The following BCKDHB variants were observed in gnomAD, a reference collection of about 807,000 sequenced individuals.
BCKDHB encodes the protein branched chain keto acid dehydrogenase E1 subunit beta.
Under a neutral mutation model 48.5 loss-of-function variants are expected in BCKDHB, and 41 were observed. That is an observed-to-expected ratio of 0.85 (90% CI 0.66 to 1.10). The LOEUF (loss-of-function observed/expected upper bound fraction) is 1.10, where lower values mean the gene tolerates loss of function less well. BCKDHB is among the 50% of genes least tolerant of loss of function. BCKDHB has a pLI of 0.00. For missense variants in BCKDHB, 496 were observed against 494.2 expected (o/e 1.00, Z -0.03); for synonymous variants, 201 against 174.8 (o/e 1.15, Z -1.18).
At chr6:80,120,801 A>G (rs1342391913) in intron 1 of BCKDHB, among the ~76,000 whole-genome samples, 5 of 152,102 alleles carry the variant, frequency 3.3e-5, no homozygotes, top group South Asian at 2.1e-4. Context: ...ATTTTCTCCC[A>G]TTCTGTAGGT....
the BCKDHB span, among the ~76,000 whole-genome samples, chr6:80,436,016 G>T: frequency 2.0e-5 from 3 of 152,040 alleles, no homozygotes; most frequent in Non-Finnish European, 2.9e-5. Flanking sequence ...CCCAGCGCTT[G>T]ATGTTAAATG....
downstream of BCKDHB, among the ~76,000 whole-genome samples, chr6:80,346,933 AC>A (rs56761145): frequency 0.2 from 30,809 of 151,250 alleles, 3,595 homozygotes; most frequent in South Asian, 0.36. Flanking sequence ...AAAGGTCTCT[AC>A]CCCCATAAAG....
chr6:80,434,939 T>C, the BCKDHB span, among the ~76,000 whole-genome samples: 8 of 152,184 alleles, frequency 5.3e-5, no homozygotes, highest in African/African-American at 1.9e-4. Context: ...CCATAGATCT[T>C]TGGAGTTTTT....
intron 9 of BCKDHB, among the ~76,000 whole-genome samples, chr6:80,304,814 C>A (rs1018291318): frequency 3.3e-4 from 50 of 152,120 alleles, no homozygotes; most frequent in African/African-American, 1.2e-3. Flanking sequence ...AAAAAGAAAA[C>A]TATACCATTT....
At chr6:80,296,236 T>C (rs78588508) in intron 9 of BCKDHB, among the ~76,000 whole-genome samples, 2,398 of 152,306 alleles carry the variant, frequency 0.016, 27 homozygotes, top group Non-Finnish European at 0.023. Context: ...TAGCTGATTA[T>C]AAACCACCTT....
the BCKDHB span, among the ~76,000 whole-genome samples, chr6:80,422,889 C>T: frequency 6.6e-6 from 1 of 152,136 alleles, no homozygotes; most frequent in Non-Finnish European, 1.5e-5. Flanking sequence ...AGACTTTGGA[C>T]TTCAACATTT....
chr6:80,240,040 G>T (rs1776314814), intron 8 of BCKDHB, among the ~76,000 whole-genome samples: 1 of 152,166 alleles, frequency 6.6e-6, no homozygotes. Flanking sequence ...GTAGCATGAT[G>T]CCTCCAGCTT....
chr6:80,261,135 C>G (rs767700205), intron 8 of BCKDHB, among the ~76,000 whole-genome samples: 1 of 152,170 alleles, frequency 6.6e-6, no homozygotes, highest in African/African-American at 2.4e-5. Flanking sequence ...TAAATGAAAG[C>G]TCTTTGCAGT....
chr6:80,365,962 A>T, the BCKDHB span, among the ~76,000 whole-genome samples: 1 of 152,224 alleles, frequency 6.6e-6, no homozygotes, highest in Admixed American at 6.5e-5. Flanking sequence ...AAAGCAAATG[A>T]TCTCAGTACA....
At chr6:80,193,439 C>A (rs758665496) in intron 6 of BCKDHB, among the ~76,000 whole-genome samples, 25 of 152,038 alleles carry the variant, frequency 1.6e-4, no homozygotes, top group Non-Finnish European at 3.5e-4. Context: ...AGTCTCCTGG[C>A]CAGGCGTGAT....
At chr6:80,205,837 G>GTGTGTGT (rs1368120428) in intron 8 of BCKDHB, among the ~76,000 whole-genome samples, 129 of 91,916 alleles carry the variant, frequency 1.4e-3, no homozygotes, top group African/African-American at 5.4e-3. Flanking sequence ...TGTGTGTGTA[G>GTGTGTGT]GTGGATTGGC....
At chr6:80,437,246 A>C in the BCKDHB span, among the ~76,000 whole-genome samples, 2 of 152,244 alleles carry the variant, frequency 1.3e-5, no homozygotes, top group East Asian at 3.8e-4. Flanking sequence ...CATGGTTAAA[A>C]CAATAGTTTA....
chr6:80,206,073 G>A (rs1250501827), intron 8 of BCKDHB, among the ~76,000 whole-genome samples: 2 of 152,052 alleles, frequency 1.3e-5, no homozygotes, highest in Non-Finnish European at 2.9e-5. Context: ...TTCTAAAGGT[G>A]TGAATGGTGA....
chr6:80,243,552 A>T (rs1440090464), intron 8 of BCKDHB, among the ~76,000 whole-genome samples: 2 of 152,126 alleles, frequency 1.3e-5, no homozygotes, highest in African/African-American at 4.8e-5. Flanking sequence ...ATATTTTTTG[A>T]GTGAGGGTAT....
chr6:80,189,484 T>G (rs567873050), intron 6 of BCKDHB, among the ~76,000 whole-genome samples: 1 of 152,182 alleles, frequency 6.6e-6, no homozygotes, highest in African/African-American at 2.4e-5. Flanking sequence ...ATGCCCAAAC[T>G]GAACACTTGA....
intron 9 of BCKDHB, among the ~76,000 whole-genome samples, chr6:80,338,816 T>C (rs893791016): frequency 1.3e-5 from 2 of 152,124 alleles, no homozygotes; most frequent in Admixed American, 1.3e-4. Context: ...TAAGTAGACA[T>C]AGAGGCAAGA....
the BCKDHB span, among the ~76,000 whole-genome samples, chr6:80,395,854 C>T: frequency 1.3e-5 from 2 of 152,216 alleles, no homozygotes; most frequent in African/African-American, 4.8e-5. Context: ...GCCCTGCATT[C>T]CAGCTGCTTC....
At position 80,274,937 on chromosome 6, in the gene BCKDHB, G is replaced by A. The variant is rs796467998; in HGVS notation, c.1038+1716G>A. Among the ~76,000 whole-genome samples the A allele has an allele frequency of 6.6e-5, 10 of 151,934 alleles. No homozygotes were observed. In the East Asian group the frequency reaches 1.4e-3, roughly 21 times the overall value. On this transcript the variant is annotated intron_variant, in intron 9 of 9. Coordinates refer to ENST00000320393, the MANE Select transcript of BCKDHB (RefSeq NM_183050.4). Reference sequence around the variant, plus strand: ...CCTAGTTTGAGAAGTAGTATATTAAGAATTAAACATAGTCACTATAACTAA... The same window carrying A: ...CCTAGTTTGAGAAGTAGTATATTAAAAATTAAACATAGTCACTATAACTAA...
the BCKDHB span, among the ~76,000 whole-genome samples, chr6:80,423,677 T>C: frequency 6.6e-6 from 1 of 152,328 alleles, no homozygotes; most frequent in Non-Finnish European, 1.5e-5. Flanking sequence ...TCTGCTCTAT[T>C]CTTGCTGAGT....
Sources: allele counts gnomAD v4.1 joint callset (sites outside exome capture counted in the v4.1 genomes callset), GRCh38; gene constraint gnomAD v4.1.1; transcripts MANE v1.5; gene names NCBI Gene and HGNC (gene_info 2026-07-23, HGNC 2026-07-21).